Variants in FOXP1 observed in about 807,000 individuals in gnomAD.
FOXP1 encodes forkhead box protein P1.
A neutral mutation model predicts 98.2 loss-of-function variants in FOXP1; 15 were observed. The ratio of observed to expected loss-of-function variants is 0.15; its 90% CI spans 0.10 to 0.24. The LOEUF is 0.24. Among genes scored for constraint, FOXP1 ranks in the 10% least tolerant of loss-of-function variants. The pLI is 1.00. For synonymous variants in FOXP1, 371 were observed against 314.5 expected (o/e 1.18, Z -1.90); for missense variants, 633 against 848.5 (o/e 0.75, Z 3.15).
chr3:71,525,943 C>T (rs1332366964), intron 2 of FOXP1, among the ~76,000 whole-genome samples: 1 of 151,914 alleles, frequency 6.6e-6, no homozygotes, highest in Admixed American at 6.6e-5. Context: ...TGGTAAAACC[C>T]CATCTCTACT....
chr3:71,540,185 A>G (rs1386991752), intron 2 of FOXP1, among the ~76,000 whole-genome samples: 1 of 152,266 alleles, frequency 6.6e-6, no homozygotes, highest in East Asian at 1.9e-4. Context: ...CTGCCAGGTG[A>G]CAAATCCCCT....
intron 2 of FOXP1, among the ~76,000 whole-genome samples, chr3:71,537,655 G>A (rs764609488): frequency 2.0e-5 from 3 of 152,194 alleles, no homozygotes; most frequent in Non-Finnish European, 2.9e-5. Context: ...ACTTGCCTCA[G>A]CCTCTGGAAT....
intron 5 of FOXP1, among the ~76,000 whole-genome samples, chr3:71,199,843 C>T (rs192462502): frequency 3.3e-5 from 5 of 151,066 alleles, no homozygotes; most frequent in Non-Finnish European, 5.9e-5. Flanking sequence ...TTTGGGAGGC[C>T]GAGGCGGGTG....
rs576368135 is a variant in FOXP1, at chr3:71,052,680, C to T, written c.421-54G>A. On this transcript the variant is annotated intron_variant, in intron 8 of 20. Coordinates refer to ENST00000649528, the MANE Select transcript of FOXP1 (RefSeq NM_001349338.3). ...ACAGAGGGTAGCGCCAATCCACTGT[C>T]CCTTTTGGTGCCATACACAAACTGT... is the stretch of plus-strand genomic sequence containing the variant. 1.1e-3 allele frequency: 940 copies of T among 867,126 alleles called. 18 individuals are homozygous for T. In the South Asian group the frequency reaches 0.012, roughly 11 times the overall value. The allele number at this position is 867,126 out of a possible 1,614,324, so 53.7% of individuals were successfully genotyped here.
intron 3 of FOXP1, among the ~76,000 whole-genome samples, chr3:71,386,262 C>T (rs558914999): frequency 6.6e-6 from 1 of 152,286 alleles, no homozygotes; most frequent in Admixed American, 6.5e-5. Context: ...ACAGTTCTGA[C>T]CAGAGACTCC....
chr3:71,348,495 T>G (rs1482407776), intron 4 of FOXP1, among the ~76,000 whole-genome samples: 1 of 148,056 alleles, frequency 6.8e-6, no homozygotes. Context: ...CAGGTGCCAG[T>G]TGCTGTGTTC....
At chr3:71,320,968 T>C (rs2075353716) in intron 4 of FOXP1, among the ~76,000 whole-genome samples, 1 of 152,148 alleles carries the variant, frequency 6.6e-6, no homozygotes. Flanking sequence ...AGTAAAATCA[T>C]CTTATTGTTT....
chr3:70,984,273 C>T (rs575384692), intron 14 of FOXP1, among the ~76,000 whole-genome samples: 1 of 152,326 alleles, frequency 6.6e-6, no homozygotes, highest in South Asian at 2.1e-4. Context: ...TTCCTCTACA[C>T]TGATACTCAC....
At position 71,583,701 on chromosome 3, in the gene FOXP1, C is replaced by G; in HGVS notation, c.-577G>C. The G allele has an allele frequency of 3.0e-6, 3 of 984,864 alleles. No individual in the cohort carries two copies. The highest frequency in any genetic ancestry group is 3.6e-6 in the Non-Finnish European group (3 of 829,850). The allele number at this position is 984,864 out of a possible 1,614,324, so 61.0% of individuals were successfully genotyped here. A position where few individuals can be genotyped will look rare whatever the true frequency, so the allele number is the denominator to read the frequency against. ...ACACACGCGCGCACACACGCACTCC[C>G]GGGCGAGGGCCGGGCCGCCGCGAGT... On this transcript the variant is annotated 5_prime_UTR_variant, in exon 1 of 21. Coordinates refer to ENST00000649528, the MANE Select transcript of FOXP1 (RefSeq NM_001349338.3).
At chr3:71,116,643 A>C (rs189381687) in intron 6 of FOXP1, among the ~76,000 whole-genome samples, 3 of 152,360 alleles carry the variant, frequency 2.0e-5, no homozygotes, top group East Asian at 3.9e-4. Context: ...ATTAAAATCC[A>C]TTTAAAAATT....
intron 3 of FOXP1, among the ~76,000 whole-genome samples, chr3:71,477,466 A>G (rs1195891512): frequency 6.6e-6 from 1 of 152,250 alleles, no homozygotes; most frequent in Admixed American, 6.5e-5. Context: ...TTAATAAAAT[A>G]TATTTTTAAA....
chr3:71,141,283 A>AAG (rs2060058698), intron 6 of FOXP1, among the ~76,000 whole-genome samples: 2 of 151,240 alleles, frequency 1.3e-5, no homozygotes, highest in African/African-American at 4.9e-5. Context: ...AAAAAAAAAA[A>AAG]AAAGAAACTG....
At chr3:71,179,988 A>G (rs532048481) in intron 6 of FOXP1, among the ~76,000 whole-genome samples, 183 of 152,288 alleles carry the variant, frequency 1.2e-3, no homozygotes, top group African/African-American at 4.2e-3. Flanking sequence ...GGCACATGGG[A>G]TATTTTGTAG....
chr3:71,007,744 T>G lies in FOXP1; in HGVS notation c.975-6685A>C, dbSNP rs1576096254. Among the ~76,000 whole-genome samples, 4 of 152,324 alleles carry G rather than the reference T, an allele frequency of 2.6e-5. No individual in the cohort carries two copies. In the East Asian group the frequency reaches 7.7e-4, roughly 29 times the overall value. Reference sequence around the variant, plus strand: ...AACATTACAGAGCACACTTAGTAGTTTCTTTCACACAAAACTCTTCACAGT... The same window carrying G: ...AACATTACAGAGCACACTTAGTAGTGTCTTTCACACAAAACTCTTCACAGT... On this transcript the variant is annotated intron_variant, in intron 12 of 20. Coordinates refer to ENST00000649528, the MANE Select transcript of FOXP1 (RefSeq NM_001349338.3).
At chr3:71,040,428 T>C (rs957385671) in intron 11 of FOXP1, 3 of 152,176 alleles carry the variant, frequency 2.0e-5, no homozygotes, top group African/African-American at 7.2e-5. Context: ...GAAAACAGTT[T>C]AGGAATAGCA....
intron 2 of FOXP1, chr3:71,571,943 G>A (rs771428762): frequency 9.2e-5 from 14 of 152,134 alleles, no homozygotes; most frequent in Non-Finnish European, 1.3e-4. Context: ...AACATGTTCC[G>A]ATTTTCATCT....
chr3:71,161,741 C>G (rs781757547), intron 6 of FOXP1, among the ~76,000 whole-genome samples: 83 of 152,118 alleles, frequency 5.5e-4, no homozygotes, highest in Non-Finnish European at 1.1e-3. Context: ...AGAGAATAAC[C>G]AAATTTTGAT....
At chr3:71,048,146 A>T (rs9829617) in intron 9 of FOXP1, among the ~76,000 whole-genome samples, 2,726 of 152,280 alleles carry the variant, frequency 0.018, 79 homozygotes, top group African/African-American at 0.062. Flanking sequence ...AGCAAAAAAA[A>T]AAGAAAAGTT....
In FOXP1 at chr3:71,449,986, A is replaced by G. The variant is rs530920509; in HGVS notation, c.-168+43440T>C. Among the ~76,000 whole-genome samples the G allele has an allele frequency of 1.2e-4, 19 of 152,338 alleles. No individual in the cohort carries two copies. The South Asian group carries it at 3.3e-3, about 27-fold the overall frequency. On this transcript the variant is annotated intron_variant, in intron 3 of 20. Transcript: ENST00000649528. ...AAATTTCTTTCCCAACATGTCTACG[A>G]ATTGAGCATTAAAAAGGAAAAGGGG...
Sources: gnomAD v4.1 joint callset for allele counts (sites outside exome capture counted in the v4.1 genomes callset) on GRCh38, gnomAD v4.1.1 for gene constraint, MANE v1.5 for transcripts, NCBI Gene and HGNC (gene_info 2026-07-23, HGNC 2026-07-21) for gene names.